Variants in TBC1D8B observed in about 807,000 individuals in gnomAD.
TBC1D8B encodes the protein RP11-321G1.1.
TBC1D8B carries 75 observed loss-of-function variants against 82.9 expected under a neutral mutation model. The observed-to-expected ratio is 0.90, with a 90% confidence interval of 0.75 to 1.10. TBC1D8B has a LOEUF of 1.10. Among genes scored for constraint, TBC1D8B ranks in the 50% least tolerant of loss-of-function variants. TBC1D8B has a pLI of 0.00. For missense variants in TBC1D8B, 794 were observed against 796.9 expected, an observed-to-expected ratio of 1.00 and a Z score of 0.04; for synonymous variants, 276 against 276.8, an observed-to-expected ratio of 1.00 and a Z score of 0.03.
chrX:106,824,114 A>G (rs999358306), intron 5 of TBC1D8B, among the ~76,000 whole-genome samples: 1 of 111,686 alleles, frequency 9.0e-6, no homozygotes, highest in Non-Finnish European at 1.9e-5. Flanking sequence ...GTTTGCCATT[A>G]TATTTGGTTT....
At chrX:106,820,852 T>C in intron 2 of TBC1D8B, 25 bp from the exon 3 acceptor site, 1 of 1,044,809 alleles carries the variant, frequency 9.6e-7, no homozygotes, top group Non-Finnish European at 1.3e-6. Flanking sequence ...CCTTAAGTGT[T>C]TTATTTTCTT....
intron 7 of TBC1D8B, among the ~76,000 whole-genome samples, chrX:106,835,552 C>G (rs1358001512): frequency 8.9e-6 from 1 of 112,392 alleles, no homozygotes; most frequent in Non-Finnish European, 1.9e-5. Context: ...TGAATTTCTC[C>G]CCAGAAAATG....
chrX:106,821,418 A>T (rs1402233193), intron 3 of TBC1D8B, among the ~76,000 whole-genome samples: 1 of 110,658 alleles, frequency 9.0e-6, no homozygotes, highest in Non-Finnish European at 1.9e-5. Flanking sequence ...TATATTTAGC[A>T]CTTGTATTTG....
chrX:106,813,110 G>A (rs1260537989), intron 1 of TBC1D8B, among the ~76,000 whole-genome samples: 1 of 111,791 alleles, frequency 8.9e-6, no homozygotes, highest in Non-Finnish European at 1.9e-5. Context: ...CACCCGCCTC[G>A]GCCTCCCAAA....
At chrX:106,827,537 C>A in intron 7 of TBC1D8B, 200 bp downstream of exon 7, 4 of 371,569 alleles carry the variant, frequency 1.1e-5, no homozygotes, top group East Asian at 9.0e-5. Context: ...TTTTTAGGAA[C>A]CCATACATTA....
In TBC1D8B at chrX:106,840,765, C is replaced by T. The variant is rs781660437; in HGVS notation, c.1600C>T (p.Arg534Cys). The change falls in exon 10 of 21, where the codon CGT becomes TGT. Residue 534 changes from arginine to cysteine, a missense_variant. By Grantham distance (180) the Arg-to-Cys change is radical (BLOSUM62 -3). Transcript: ENST00000357242. Reference sequence around the variant, plus strand: ...CAACTTGGCTACTGAAGAAATTGAACGTGATTTACGTCGCTCTCTGCCTGA... The same window carrying T: ...CAACTTGGCTACTGAAGAAATTGAATGTGATTTACGTCGCTCTCTGCCTGA... ...TCNLATEEIERDLRRSLPEHP... is the reference protein window; with the variant it reads ...TCNLATEEIECDLRRSLPEHP... 4.1e-6 allele frequency: 5 copies of T among 1,210,641 alleles called. No homozygotes were observed. The highest frequency in any genetic ancestry group is 2.2e-5 in the Admixed American group (1 of 45,941).
chrX:106,825,779 T>A (rs776051142), intron 5 of TBC1D8B, among the ~76,000 whole-genome samples: 1 of 111,418 alleles, frequency 9.0e-6, no homozygotes, highest in Non-Finnish European at 1.9e-5. Flanking sequence ...TTTGAAGACC[T>A]ACATGATCTC....
chrX:106,826,496 A>C (rs746639502), intron 6 of TBC1D8B, among the ~76,000 whole-genome samples: 33 of 109,132 alleles, frequency 3.0e-4, no homozygotes, highest in African/African-American at 1.1e-3. Flanking sequence ...ATATGTATAC[A>C]TGTGCCATGT....
intron 1 of TBC1D8B, among the ~76,000 whole-genome samples, chrX:106,803,944 G>A (rs1006032714): frequency 6.3e-5 from 7 of 111,321 alleles, no homozygotes; most frequent in African/African-American, 2.0e-4. Context: ...GAAGAGTCCC[G>A]AAAACCTGCA....
chrX:106,869,314 A>G (rs1932832908), intron 18 of TBC1D8B, among the ~76,000 whole-genome samples, 171 bp from the exon 19 acceptor site: 1 of 112,115 alleles, frequency 8.9e-6, no homozygotes, highest in African/African-American at 3.2e-5. Context: ...TGTTCTTTTT[A>G]CTGTGAAAGT....
intron 14 of TBC1D8B, among the ~76,000 whole-genome samples, chrX:106,861,721 C>T (rs1932776762): frequency 9.0e-6 from 1 of 111,600 alleles, no homozygotes; most frequent in African/African-American, 3.3e-5. Flanking sequence ...TAGTTACATT[C>T]TGGTTAGCCT....
In TBC1D8B at chrX:106,849,175, G is replaced by T. The variant is rs1181841556; in HGVS notation, c.1838-850G>T. 7.2e-6 allele frequency: 7 copies of T among 975,463 alleles called. No individual in the cohort carries two copies. The Admixed American group carries it at 2.2e-4, about 31-fold the overall frequency. 80.4% of individuals were successfully genotyped at this position (975,463 alleles called of 1,213,427 possible). On this transcript the variant is annotated intron_variant, in intron 11 of 20. Coordinates refer to ENST00000357242, the MANE Select transcript of TBC1D8B (RefSeq NM_017752.3). ...TACCGTAATAGGCTTTCAGGATTGT[G>T]GTTAGGTCATCGATTTTACTGTCTT...
In TBC1D8B at chrX:106,869,465, A is replaced by G. The variant is rs1470152819; in HGVS notation, c.2813-20A>G. The G allele has an allele frequency of 4.2e-6, 5 of 1,194,383 alleles. No individual in the cohort carries two copies. Among genetic ancestry groups the G allele is most frequent in the Non-Finnish European group, 4.5e-6 (4 of 882,689 alleles). On this transcript the variant is annotated intron_variant, in intron 18 of 20. Coordinates refer to ENST00000357242, the MANE Select transcript of TBC1D8B (RefSeq NM_017752.3). ...ATTTGTTAAACATCTTACAGAATGC[A>G]ATTACATCTTTTCTTATAGTTTCCA...
chrX:106,860,288 T>C (rs1254194451), intron 14 of TBC1D8B, among the ~76,000 whole-genome samples: 1 of 110,359 alleles, frequency 9.1e-6, no homozygotes, highest in Non-Finnish European at 1.9e-5. Context: ...CTTCTTTATA[T>C]GTCTGGTAGA....
intron 19 of TBC1D8B, among the ~76,000 whole-genome samples, chrX:106,869,804 G>A (rs766552057): frequency 2.4e-4 from 27 of 111,653 alleles, no homozygotes; most frequent in South Asian, 3.7e-4. Context: ...AACCCTACCC[G>A]AAAACATTTT....
intron 12 of TBC1D8B, among the ~76,000 whole-genome samples, chrX:106,851,031 C>T (rs184130819): frequency 9.0e-6 from 1 of 111,675 alleles, no homozygotes; most frequent in African/African-American, 3.3e-5. Flanking sequence ...TTCAAAACCC[C>T]AAAATGATTC....
intron 11 of TBC1D8B, chrX:106,849,532 G>A: frequency 2.0e-6 from 2 of 976,334 alleles, no homozygotes; most frequent in Non-Finnish European, 1.3e-6. Flanking sequence ...GAACTCATCA[G>A]AGGGATCAGT....
intron 7 of TBC1D8B, among the ~76,000 whole-genome samples, chrX:106,834,927 T>A (rs1385117010): frequency 1.8e-5 from 2 of 112,141 alleles, no homozygotes; most frequent in Non-Finnish European, 3.8e-5. Context: ...TAGCATTGAA[T>A]GCCTGCAGCT....
Position 106,827,167 on chromosome X carries a change from T to C in TBC1D8B, c.1036-3T>C, listed in dbSNP as rs1931872391. The C allele has an allele frequency of 1.7e-6, 2 of 1,207,380 alleles. No homozygotes were observed. The highest frequency in any genetic ancestry group is 2.2e-6 in the Non-Finnish European group (2 of 893,828). ...ATTGACCTCTATGTTTTTCACCCCC[T>C]AGGTCTTAGCTATAGATAAGACAAA... On this transcript the variant is annotated splice_polypyrimidine_tract_variant and splice_region_variant and intron_variant, in intron 6 of 20. Transcript: ENST00000357242.
Sources: allele counts gnomAD v4.1 joint callset (sites outside exome capture counted in the v4.1 genomes callset), GRCh38; gene constraint gnomAD v4.1.1; transcripts MANE v1.5; gene names NCBI Gene and HGNC (gene_info 2026-07-23, HGNC 2026-07-21).